MYO1D: variants seen among roughly 807,000 people sequenced by gnomAD.
The protein encoded by MYO1D is myosin ID, also known as unconventional myosin-Id.
In MYO1D, 83 loss-of-function variants were observed where a neutral mutation model predicts 122.0. The ratio of observed to expected loss-of-function variants is 0.68; its 90% CI spans 0.57 to 0.82. MYO1D has a LOEUF of 0.82. Among genes scored for constraint, MYO1D ranks in the 40% least tolerant of loss-of-function variants. The pLI is 0.00. For synonymous variants in MYO1D, 464 were observed against 446.9 expected, an observed-to-expected ratio of 1.04 and a Z score of -0.48; for missense variants, 1,157 against 1,269.5, an observed-to-expected ratio of 0.91 and a Z score of 1.35.
intron 21 of MYO1D, among the ~76,000 whole-genome samples, chr17:32,567,313 G>A (rs111789330): frequency 0.013 from 2,038 of 152,284 alleles, 40 homozygotes; most frequent in African/African-American, 0.043. Flanking sequence ...CTGACTCAGC[G>A]AATGAATGTA....
rs536278696 is a variant in MYO1D, at chr17:32,754,255, T to G, written c.1467+1237A>C. 2.4e-4 allele frequency among the ~76,000 whole-genome samples: 36 copies of G among 152,320 alleles called. 1 individual carries two copies. Among genetic ancestry groups the G allele is most frequent in the African/African-American group, 8.7e-4 (36 of 41,570 alleles). On this transcript the variant is annotated intron_variant, in intron 11 of 21. Coordinates refer to ENST00000318217, the MANE Select transcript of MYO1D (RefSeq NM_015194.3). ...TTTAAAAGCATCACTCTAAATTATT[T>G]AGGTGACTTCTAACTTTGCCCAGTA...
chr17:32,580,804 T>A (rs1219554433), intron 21 of MYO1D, among the ~76,000 whole-genome samples: 1 of 152,248 alleles, frequency 6.6e-6, no homozygotes, highest in Non-Finnish European at 1.5e-5. Flanking sequence ...ATCCTTTTTA[T>A]ATATTGTTGG....
chr17:32,561,417 T>C (rs551348304), intron 21 of MYO1D, among the ~76,000 whole-genome samples: 1 of 151,838 alleles, frequency 6.6e-6, no homozygotes, highest in Non-Finnish European at 1.5e-5. Flanking sequence ...TGGCTGGGTG[T>C]GGTGGCTCAT....
chr17:32,572,632 C>A (rs2087242303), intron 21 of MYO1D, among the ~76,000 whole-genome samples: 1 of 152,130 alleles, frequency 6.6e-6, no homozygotes, highest in South Asian at 2.1e-4. Context: ...TTATTAAAAT[C>A]CCCTTATCAT....
intron 7 of MYO1D, 31 bp from the exon 8 acceptor site, chr17:32,765,112 A>G (rs1325670720): frequency 6.5e-7 from 1 of 1,527,424 alleles, no homozygotes; most frequent in Non-Finnish European, 9.1e-7. Flanking sequence ...ATAACACATT[A>G]TGAAACATTA....
intron 14 of MYO1D, among the ~76,000 whole-genome samples, 167 bp from the exon 15 acceptor site, chr17:32,721,356 A>G (rs1335963743): frequency 6.6e-6 from 1 of 152,174 alleles, no homozygotes; most frequent in Non-Finnish European, 1.5e-5. Flanking sequence ...CCTTCAATTC[A>G]AGGTTAGAAG....
chr17:32,570,573 C>T lies in MYO1D; in HGVS notation c.2864+34514G>A, dbSNP rs374765762. Among the ~76,000 whole-genome samples, 90 of 152,218 alleles carry T rather than the reference C, an allele frequency of 5.9e-4. 2 individuals are homozygous for T. The highest frequency in any genetic ancestry group is 2.1e-3 in the African/African-American group (86 of 41,534). On this transcript the variant is annotated intron_variant, in intron 21 of 21. Coordinates refer to ENST00000318217, the MANE Select transcript of MYO1D (RefSeq NM_015194.3). ...TTCACTGTGTTAGCCAGGATGGTCTCGATCTCCTGACCTTGTGATCTGCCT... is the reference window on the plus strand; with the variant it reads ...TTCACTGTGTTAGCCAGGATGGTCTTGATCTCCTGACCTTGTGATCTGCCT...
intron 21 of MYO1D, among the ~76,000 whole-genome samples, chr17:32,554,687 A>G (rs1391071740): frequency 6.6e-6 from 1 of 152,224 alleles, no homozygotes; most frequent in African/African-American, 2.4e-5. Flanking sequence ...GTCTTAATAT[A>G]TAAAAAGCTC....
intron 1 of MYO1D, among the ~76,000 whole-genome samples, chr17:32,872,096 TATC>T (rs910312879): frequency 1.5e-4 from 23 of 151,604 alleles, no homozygotes; most frequent in Admixed American, 6.6e-5. Flanking sequence ...ATGAGGAACT[TATC>T]ACCACCACCT....
At chr17:32,562,041 A>C (rs2087130978) in intron 21 of MYO1D, among the ~76,000 whole-genome samples, 1 of 151,406 alleles carries the variant, frequency 6.6e-6, no homozygotes, top group Non-Finnish European at 1.5e-5. Context: ...CCCAGGCTGG[A>C]GTACAGTGGC....
At chr17:32,653,607 CAAAAAAAAAAAAA>C (rs35172819) in intron 19 of MYO1D, among the ~76,000 whole-genome samples, 1 of 99,994 alleles carries the variant, frequency 1.0e-5, no homozygotes, top group Non-Finnish European at 2.0e-5. Flanking sequence ...ACTCCGTCTC[CAAAAAAAAAAAAA>C]AAAAAAAAGG....
At chr17:32,652,625 G>A (rs1321586864) in intron 19 of MYO1D, among the ~76,000 whole-genome samples, 2 of 151,402 alleles carry the variant, frequency 1.3e-5, no homozygotes, top group Non-Finnish European at 2.9e-5. Context: ...AGTATTTTAA[G>A]GTTTTTTTTT....
chr17:32,528,486 G>A (rs1320093007), intron 21 of MYO1D, among the ~76,000 whole-genome samples: 2 of 151,856 alleles, frequency 1.3e-5, no homozygotes, highest in African/African-American at 2.4e-5. Flanking sequence ...TGTGTCGGGG[G>A]AATTACTGGG....
intron 1 of MYO1D, among the ~76,000 whole-genome samples, chr17:32,824,032 A>ATTCCAGCC (rs1306051340): frequency 7.0e-6 from 1 of 142,122 alleles, no homozygotes; most frequent in Non-Finnish European, 1.5e-5. Context: ...AGGCCACTGC[A>ATTCCAGCC]TTCCAGCCTG....
intron 1 of MYO1D, among the ~76,000 whole-genome samples, chr17:32,822,756 G>C (rs1256190446): frequency 6.6e-6 from 1 of 151,386 alleles, no homozygotes; most frequent in Non-Finnish European, 1.5e-5. Context: ...AGCAGGCGGC[G>C]AGGCCCGGGG....
chr17:32,836,119 C>T (rs1177284629), intron 1 of MYO1D, among the ~76,000 whole-genome samples: 1 of 152,138 alleles, frequency 6.6e-6, no homozygotes, highest in Non-Finnish European at 1.5e-5. Context: ...GTTTTACACT[C>T]CTCCAACCAT....
At chr17:32,589,472 T>C (rs2087419578) in intron 21 of MYO1D, among the ~76,000 whole-genome samples, 1 of 152,214 alleles carries the variant, frequency 6.6e-6, no homozygotes, top group Non-Finnish European at 1.5e-5. Context: ...TACTCAGCTC[T>C]TTCCAGGGAG....
At chr17:32,597,573 A>G (rs2087509378) in intron 21 of MYO1D, among the ~76,000 whole-genome samples, 1 of 152,186 alleles carries the variant, frequency 6.6e-6, no homozygotes, top group Non-Finnish European at 1.5e-5. Flanking sequence ...ATCCAGTGAT[A>G]GATACGGATA....
At chr17:32,684,148 CACTCCCTAGTGAGATGAACCCGGT>C (rs2088970199) in intron 16 of MYO1D, 1 of 154,900 alleles carries the variant, frequency 6.5e-6, no homozygotes, top group Non-Finnish European at 1.4e-5. Flanking sequence ...CACTGTCTGG[CACTCCCTAGTGAGATGAACCCGGT>C]ACCTCAGATG....
Sources: allele counts gnomAD v4.1 joint callset (sites outside exome capture counted in the v4.1 genomes callset), GRCh38; gene constraint gnomAD v4.1.1; transcripts MANE v1.5; gene names NCBI Gene and HGNC (gene_info 2026-07-23, HGNC 2026-07-21).